The following IQCN variants were observed in gnomAD, a reference collection of about 807,000 sequenced individuals.
The protein encoded by IQCN is IQ motif containing N.
Under a neutral mutation model 64.4 loss-of-function variants are expected in IQCN, and 46 were observed. The ratio of observed to expected loss-of-function variants is 0.71; its 90% confidence interval spans 0.56 to 0.91. The LOEUF (loss-of-function observed/expected upper bound fraction) is 0.91, where lower values mean the gene tolerates loss of function less well. Among genes scored for constraint, IQCN ranks in the 40% least tolerant of loss-of-function variants. The probability of loss-of-function intolerance (pLI) is 0.00; values close to 1 mark genes in which losing one functional copy is unlikely to be tolerated. For missense variants in IQCN, 1,753 were observed against 1,857.4 expected, an observed-to-expected ratio of 0.94 and a Z score of 1.03; for synonymous variants, 733 against 775.6, an observed-to-expected ratio of 0.95 and a Z score of 0.91.
At position 18,258,055 on chromosome 19, in the gene IQCN, C is replaced by T; in HGVS notation, c.3229G>A (p.Glu1077Lys). Residue 1077 changes from glutamate (E) to lysine (K), a missense_variant, in exon 4 of 4, where the codon GAG (glutamate) becomes AAG (lysine). Transcript: ENST00000392413. ...CAGGACGCAGCACCCCTGGCTGGCT[C>T]CCATGCGCGGTTCCACGATTGGCCA... ...VGGQSWNRAW[E>K]PARGAASWDT... The T allele has an allele frequency of 6.2e-7, 1 of 1,612,586 alleles. No homozygotes were observed. Among genetic ancestry groups the T allele is most frequent in the African/African-American group, 1.3e-5 (1 of 75,050 alleles).
At position 18,266,498 on chromosome 19, in the gene IQCN, C is replaced by T. The variant is rs770138748; in HGVS notation, c.1042G>A (p.Val348Met). The T allele has an allele frequency of 1.4e-5, 22 of 1,599,308 alleles. 1 individual carries two copies. Among genetic ancestry groups the T allele is most frequent in the South Asian group, 1.1e-4 (10 of 89,136 alleles). ...GCTGGATATGTCTGTGGCAGGGTCACGGAGACCACTGGATATGTCTGGAGT... is the reference window on the plus strand; with the variant it reads ...GCTGGATATGTCTGTGGCAGGGTCATGGAGACCACTGGATATGTCTGGAGT... ...TLLQTYPVVS[V>M]TLPQTYPAST... Residue 348 changes from valine to methionine, a missense_variant, in exon 3 of 4, where the codon GTG becomes ATG. Physicochemically the swap from Val to Met is conservative, Grantham distance 21 (BLOSUM62 1). Transcript: ENST00000392413. This position sits in a 1 kb window ranked among gnomAD's most constrained non-coding sequence, Gnocchi z 4.3.
In IQCN at chr19:18,271,216, T is replaced by A. The variant is rs941078638; in HGVS notation, c.-109-1629A>T. On this transcript the variant is annotated intron_variant, in intron 1 of 3. Transcript: ENST00000392413. The stretch of plus-strand genomic sequence containing the variant: ...CAGGCGCAGTGGCTCACGCCTGTAA[T>A]CCCAGTGCTTTGGGAGGCCGAGGTG... Among the ~76,000 whole-genome samples the A allele has an allele frequency of 3.5e-5, 5 of 142,478 alleles. No homozygotes were observed. The Admixed American group carries it at 3.6e-4, about 10-fold the overall frequency. 93.5% of individuals were successfully genotyped at this position (142,478 alleles called of 152,430 possible).
At chr19:18,272,116 C>G (rs983203480) in intron 1 of IQCN, among the ~76,000 whole-genome samples, 7 of 143,560 alleles carry the variant, frequency 4.9e-5, no homozygotes, top group African/African-American at 1.7e-4. Context: ...CGTGAGCCAC[C>G]GCGCCTGGCC....
intron 2 of IQCN, among the ~76,000 whole-genome samples, 167 bp downstream of exon 2, chr19:18,269,298 AG>A (rs1291486466): frequency 6.6e-6 from 1 of 152,084 alleles, no homozygotes; most frequent in Non-Finnish European, 1.5e-5. Context: ...GAAAGAAGGA[AG>A]AAAAAGTGGT....
At position 18,264,265 on chromosome 19, in the gene IQCN, C is replaced by T. The variant is rs1969490978; in HGVS notation, c.3177+98G>A. 2.8e-6 allele frequency: 3 copies of T among 1,067,462 alleles called. No homozygotes were observed. The African/African-American group carries it at 4.8e-5, about 17-fold the overall frequency. 66.1% of individuals were successfully genotyped at this position (1,067,462 alleles called of 1,614,324 possible). On this transcript the variant is annotated intron_variant, in intron 3 of 3. Transcript: ENST00000392413. The surrounding 1 kb of genome is among the most constrained non-coding windows in gnomAD (Gnocchi z 4.3). ...GTGACCACAGATAAGCAGGGTGACCCCCACAAGATGGCCCCATCAATCCCC... is the reference window on the plus strand; with the variant it reads ...GTGACCACAGATAAGCAGGGTGACCTCCACAAGATGGCCCCATCAATCCCC...
chr19:18,272,890 G>T (rs1244214277), intron 1 of IQCN, among the ~76,000 whole-genome samples: 2 of 148,732 alleles, frequency 1.3e-5, no homozygotes, highest in Admixed American at 6.7e-5. Context: ...GATTACAGGC[G>T]TGAGCCACCG....
Position 18,264,900 on chromosome 19 carries a change from C to G in IQCN, c.2640G>C (p.Leu880Phe), listed in dbSNP as rs1305231093. Residue 880 changes from leucine (L) to phenylalanine (F), a missense_variant, in exon 3 of 4, where the codon TTG becomes TTC. By Grantham distance (22) the Leu-to-Phe change is conservative. Transcript: ENST00000392413. This position sits in a 1 kb window ranked among gnomAD's most constrained non-coding sequence, Gnocchi z 4.3. ...EDTVGSLLAS[L>F]CAEVAGVLAS... ...CCAGCACACCAGCTACTTCAGCACA[C>G]AAGGAGGCCAGCAGGGAGCCTACCG... 2 of 1,613,362 alleles carry G rather than the reference C, an allele frequency of 1.2e-6. No individual in the cohort carries two copies. Among genetic ancestry groups the G allele is most frequent in the Non-Finnish European group, 1.7e-6 (2 of 1,179,938 alleles).
At chr19:18,269,219 T>C (rs952561363) in intron 2 of IQCN, among the ~76,000 whole-genome samples, 2 of 150,046 alleles carry the variant, frequency 1.3e-5, no homozygotes, top group Non-Finnish European at 3.0e-5. Flanking sequence ...CAACAGGAGG[T>C]AGACTGATGG....
At chr19:18,268,961 C>CAAAA (rs35086395) in intron 2 of IQCN, among the ~76,000 whole-genome samples, 18 of 54,410 alleles carry the variant, frequency 3.3e-4, no homozygotes, top group African/African-American at 8.6e-4. Context: ...GACTCTGTCT[C>CAAAA]AAAAAAAAAA....
chr19:18,272,870 A>G (rs1186033869), intron 1 of IQCN, among the ~76,000 whole-genome samples: 7 of 151,812 alleles, frequency 4.6e-5, no homozygotes, highest in South Asian at 2.1e-4. Flanking sequence ...TCGGCCTCCC[A>G]AAGTGCTGGG....
rs771900030 is a variant in IQCN at position 18,265,936 on chromosome 19, G to T, written c.1604C>A (p.Ala535Glu). The T allele has an allele frequency of 6.2e-7, 1 of 1,614,210 alleles. No individual in the cohort carries two copies. The highest frequency in any genetic ancestry group is 2.2e-5 in the East Asian group (1 of 44,890). Residue 535 changes from alanine (A) to glutamate (E), a missense_variant, in exon 3 of 4, where the codon GCG becomes GAG. Ala to Glu is a moderately radical substitution (Grantham distance 107). Transcript: ENST00000392413. This position sits in a 1 kb window ranked among gnomAD's most constrained non-coding sequence, Gnocchi z 4.7. ...VANVKAPPQV[A>E]VAAGTPNTSG... ...GGTGTTGGGAGTTCCGGCTGCTACC[G>T]CCACTTGGGGTGGAGCCTTGACATT...
At position 18,264,266 on chromosome 19, in the gene IQCN, C is replaced by A; in HGVS notation, c.3177+97G>T. 9.1e-7 allele frequency: 1 copy of A among 1,096,912 alleles called. No individual in the cohort carries two copies. Among genetic ancestry groups the A allele is most frequent in the Non-Finnish European group, 1.3e-6 (1 of 791,846 alleles). 67.9% of individuals were successfully genotyped at this position (1,096,912 alleles called of 1,614,324 possible). A position where few individuals can be genotyped will look rare whatever the true frequency, so the allele number is the denominator to read the frequency against. ...TGACCACAGATAAGCAGGGTGACCC[C>A]CACAAGATGGCCCCATCAATCCCCC... On this transcript the variant is annotated intron_variant, in intron 3 of 3. Coordinates refer to ENST00000392413, the MANE Select transcript of IQCN (RefSeq NM_001145304.2). This position sits in a 1 kb window ranked among gnomAD's most constrained non-coding sequence, Gnocchi z 4.3.
At chr19:18,262,909 C>T (rs907320275) in intron 3 of IQCN, among the ~76,000 whole-genome samples, 10 of 152,262 alleles carry the variant, frequency 6.6e-5, no homozygotes, top group East Asian at 3.9e-4. Context: ...TCTGTCTTGA[C>T]GGTTGCCTGG....
chr19:18,269,472 G>A lies in IQCN; in HGVS notation c.7C>T (p.Leu3Phe). The change falls in exon 2 of 4, where the codon CTT becomes TTT. Residue 3 changes from leucine to phenylalanine, a missense_variant. Physicochemically the swap from Leu to Phe is conservative, Grantham distance 22. Coordinates refer to ENST00000392413, the MANE Select transcript of IQCN (RefSeq NM_001145304.2). ...CCATAGACCATCTTCTTACCTTGAA[G>A]GGTCATAGATTTGGAGGAGTAGCAG... MT[L>F]QGRADLSGNQ... 6.2e-7 allele frequency: 1 copy of A among 1,613,988 alleles called. No homozygotes were observed. The highest frequency in any genetic ancestry group is 8.5e-7 in the Non-Finnish European group (1 of 1,179,958).
chr19:18,273,438 G>T (rs1291993043), intron 1 of IQCN, among the ~76,000 whole-genome samples: 1 of 152,194 alleles, frequency 6.6e-6, no homozygotes, highest in East Asian at 1.9e-4. Context: ...CCAGGTTCAA[G>T]CGATTCTCCT....
At position 18,264,828 on chromosome 19, in the gene IQCN, C is replaced by G. The variant is rs1308620110; in HGVS notation, c.2712G>C (p.Gln904His). ...LRTLLAKALS[Q>H]GEVWAALNQA... ...GGTTCAGAGCTGCCCAGACTTCTCC[C>G]TGGGAGAGGGCTTTGGCCAACAGAG... The change falls in exon 3 of 4, where the codon CAG becomes CAC. Residue 904 changes from glutamine (Q) to histidine (H), a missense_variant. Gln to His is a conservative substitution (Grantham distance 24). Coordinates refer to ENST00000392413, the MANE Select transcript of IQCN (RefSeq NM_001145304.2). This position sits in a 1 kb window ranked among gnomAD's most constrained non-coding sequence, Gnocchi z 4.3. 6.4e-7 allele frequency: 1 copy of G among 1,570,004 alleles called. No individual in the cohort carries two copies. The highest frequency in any genetic ancestry group is 1.9e-5 in the Admixed American group (1 of 52,620).
Position 18,267,008 on chromosome 19 carries a change from C to T in IQCN, c.532G>A (p.Glu178Lys). The T allele has an allele frequency of 6.2e-7, 1 of 1,614,250 alleles. No individual in the cohort carries two copies. Among genetic ancestry groups the T allele is most frequent in the Non-Finnish European group, 8.5e-7 (1 of 1,180,036 alleles). The stretch of plus-strand genomic sequence containing the variant: ...ATGGGCGGGGACAGAAGGCGGTTCT[C>T]TTCCGGATGCTGGAAGCGCACCTGC... ...PQQVRFQHPE[E>K]NRLLSPPIMV... is the part of the protein sequence containing the mutation. The change falls in exon 3 of 4, where the codon GAG becomes AAG. Residue 178 changes from glutamate (E) to lysine (K), a missense_variant. Coordinates refer to ENST00000392413, the MANE Select transcript of IQCN (RefSeq NM_001145304.2).
rs978963593 is a variant in IQCN, at chr19:18,264,986, T to C, written c.2554A>G (p.Asn852Asp). The C allele has an allele frequency of 2.8e-5, 45 of 1,606,882 alleles. No homozygotes were observed. The highest frequency in any genetic ancestry group is 3.6e-5 in the Non-Finnish European group (43 of 1,179,852). Residue 852 changes from asparagine (N) to aspartate (D), a missense_variant, in exon 3 of 4, where the codon AAC becomes GAC. Asn to Asp is a conservative substitution (Grantham distance 23). Coordinates refer to ENST00000392413, the MANE Select transcript of IQCN (RefSeq NM_001145304.2). This position sits in a 1 kb window ranked among gnomAD's most constrained non-coding sequence, Gnocchi z 4.3. Reference sequence around the variant, plus strand: ...GATGGCTGGGCACGTGTGGCTCCGTTGTCTCCCCAGGACTCAACGTTGCAT... The same window carrying C: ...GATGGCTGGGCACGTGTGGCTCCGTCGTCTCCCCAGGACTCAACGTTGCAT... Reference protein sequence around the residue: ...STCNVESWGDNGATRAQPSMP... With the variant: ...STCNVESWGDDGATRAQPSMP...
At chr19:18,258,559 T>C (rs112818372) in intron 3 of IQCN, 9,008 of 396,800 alleles carry the variant, frequency 0.023, 138 homozygotes, top group African/African-American at 0.04. Context: ...ACAGCTTCTG[T>C]CTGGAAGGGA....
Sources: allele counts gnomAD v4.1 joint callset (sites outside exome capture counted in the v4.1 genomes callset), GRCh38; gene constraint gnomAD v4.1.1; non-coding constraint Gnocchi (gnomAD v3.1); transcripts MANE v1.5; gene names NCBI Gene and HGNC (gene_info 2026-07-23, HGNC 2026-07-21).